Variants in DLG2 observed in about 807,000 individuals in gnomAD.
DLG2 encodes disks large homolog 2.
Under a neutral mutation model 132.5 loss-of-function variants are expected in DLG2, and 45 were observed. That is an observed-to-expected ratio of 0.34 (90% CI 0.27 to 0.44). The LOEUF is 0.44. Among genes scored for constraint, DLG2 ranks in the 20% least tolerant of loss-of-function variants. The probability of loss-of-function intolerance (pLI) is 1.00; values close to 1 mark genes in which losing one functional copy is unlikely to be tolerated. For synonymous variants in DLG2, 424 were observed against 419.6 expected (o/e 1.01, Z -0.13); for missense variants, 1,045 against 1,196.9 (o/e 0.87, Z 1.87).
At chr11:85,007,390 G>A (rs1480137482) in intron 6 of DLG2, among the ~76,000 whole-genome samples, 2 of 152,094 alleles carry the variant, frequency 1.3e-5, no homozygotes, top group Non-Finnish European at 2.9e-5. Flanking sequence ...GCCGGGCGCA[G>A]TGGCTCACGC....
At chr11:85,608,036 C>T (rs1320460985) in intron 2 of DLG2, among the ~76,000 whole-genome samples, 1 of 152,168 alleles carries the variant, frequency 6.6e-6, no homozygotes, top group Non-Finnish European at 1.5e-5. Context: ...TTCGAGAATG[C>T]ATCAGTAAGG....
At chr11:84,209,525 A>C (rs1284440113) in intron 8 of DLG2, among the ~76,000 whole-genome samples, 2 of 152,196 alleles carry the variant, frequency 1.3e-5, no homozygotes, top group Non-Finnish European at 2.9e-5. Flanking sequence ...GTAATATAAT[A>C]TGTTATCAAT....
chr11:83,896,776 C>T (rs2071833189), intron 15 of DLG2, among the ~76,000 whole-genome samples: 1 of 152,116 alleles, frequency 6.6e-6, no homozygotes. Flanking sequence ...ATGGATGTAA[C>T]ACTGGGTAAA....
intron 19 of DLG2, among the ~76,000 whole-genome samples, chr11:83,618,377 C>T (rs1197515789): frequency 1.3e-5 from 2 of 151,938 alleles, no homozygotes; most frequent in Non-Finnish European, 2.9e-5. Context: ...TTACAATGAC[C>T]TTGTTATGTT....
At chr11:84,679,309 A>G (rs1170404441) in intron 6 of DLG2, among the ~76,000 whole-genome samples, 2 of 152,110 alleles carry the variant, frequency 1.3e-5, no homozygotes, top group African/African-American at 4.8e-5. Flanking sequence ...TGGAAACATG[A>G]AAGTTCGATG....
At chr11:84,963,087 T>C (rs1297253923) in intron 6 of DLG2, among the ~76,000 whole-genome samples, 1 of 152,136 alleles carries the variant, frequency 6.6e-6, no homozygotes, top group Non-Finnish European at 1.5e-5. Flanking sequence ...GCAGGACCAA[T>C]TCTCAGCAAA....
At chr11:83,577,461 ATATATATATAAAATAGGATATAT>A (rs1371156626) in intron 19 of DLG2, among the ~76,000 whole-genome samples, 3 of 136,132 alleles carry the variant, frequency 2.2e-5, no homozygotes, top group African/African-American at 8.8e-5. Context: ...CTAATAGGAT[ATATATATATAAAATAGGATATAT>A]TATATATATA....
intron 4 of DLG2, among the ~76,000 whole-genome samples, chr11:85,222,077 T>C (rs1174406729): frequency 1.3e-5 from 2 of 152,092 alleles, no homozygotes; most frequent in East Asian, 1.9e-4. Flanking sequence ...TAGATGGGAC[T>C]ACAGGTGTGC....
intron 9 of DLG2, among the ~76,000 whole-genome samples, chr11:84,114,249 A>C (rs994594711): frequency 6.6e-6 from 1 of 152,180 alleles, no homozygotes; most frequent in Admixed American, 6.5e-5. Context: ...TTTAAGTGTA[A>C]AAAGGATCCT....
chr11:84,056,062 AG>A (rs1394654560), intron 11 of DLG2, among the ~76,000 whole-genome samples: 6 of 151,912 alleles, frequency 3.9e-5, no homozygotes, highest in African/African-American at 1.2e-4. Flanking sequence ...GCACATGTTA[AG>A]TTTTTTTTTT....
intron 6 of DLG2, among the ~76,000 whole-genome samples, chr11:84,615,653 A>C (rs899395590): frequency 5.9e-5 from 9 of 151,738 alleles, no homozygotes; most frequent in African/African-American, 2.2e-4. Context: ...AAAGGGACAG[A>C]GTTGCCCTCT....
At chr11:83,719,308 T>C (rs1432201739) in intron 18 of DLG2, among the ~76,000 whole-genome samples, 1 of 152,216 alleles carries the variant, frequency 6.6e-6, no homozygotes. Context: ...CCTGCCACTA[T>C]GTGACTTGAG....
chr11:83,515,502 G>GT (rs1179422772), intron 21 of DLG2, among the ~76,000 whole-genome samples: 2 of 152,082 alleles, frequency 1.3e-5, no homozygotes, highest in Admixed American at 6.6e-5. Flanking sequence ...TTTTTGAAGG[G>GT]TTTTTTGTGT....
chr11:85,272,007 A>C (rs547162062), intron 4 of DLG2, among the ~76,000 whole-genome samples: 1 of 152,298 alleles, frequency 6.6e-6, no homozygotes, highest in South Asian at 2.1e-4. Context: ...CCAGGTGTGA[A>C]TGATATGGTT....
In DLG2 at chr11:84,769,364, C is replaced by T. The variant is rs1047307727; in HGVS notation, c.358-234633G>A. ...TACAATTGAAAGCTTTATCAACAGACTAAAACAATCAGAAGAAAGAATTTC... is the reference window on the plus strand; with the variant it reads ...TACAATTGAAAGCTTTATCAACAGATTAAAACAATCAGAAGAAAGAATTTC... On this transcript the variant is annotated intron_variant, in intron 6 of 27. Coordinates refer to ENST00000376104, the MANE Select transcript of DLG2 (RefSeq NM_001142699.3). Among the ~76,000 whole-genome samples, 10 of 152,174 alleles carry T rather than the reference C, an allele frequency of 6.6e-5. No homozygotes were observed. In the South Asian group the frequency reaches 2.1e-3, roughly 32 times the overall value.
intron 9 of DLG2, among the ~76,000 whole-genome samples, chr11:84,124,648 C>T (rs2094081785): frequency 6.6e-6 from 1 of 152,096 alleles, no homozygotes; most frequent in Admixed American, 6.5e-5. Context: ...CCACACGGTA[C>T]ATGTCAAAGA....
chr11:85,130,993 G>C (rs552570383), intron 5 of DLG2, among the ~76,000 whole-genome samples: 1 of 151,926 alleles, frequency 6.6e-6, no homozygotes, highest in East Asian at 2.0e-4. Flanking sequence ...AGAAATGTTC[G>C]TGGATATAAC....
At chr11:84,502,408 T>A (rs180993760) in intron 7 of DLG2, among the ~76,000 whole-genome samples, 1 of 110,672 alleles carries the variant, frequency 9.0e-6, no homozygotes, top group Non-Finnish European at 1.9e-5. Flanking sequence ...CTTTCTTTCT[T>A]TCTTTCTATA....
chr11:83,930,929 C>A lies in DLG2; in HGVS notation c.1341-446G>T, dbSNP rs139723996. 1.3e-3 allele frequency among the ~76,000 whole-genome samples: 199 copies of A among 152,256 alleles called. 2 individuals carry two copies. Among genetic ancestry groups the A allele is most frequent in the Admixed American group, 9.2e-4 (14 of 15,290 alleles). On this transcript the variant is annotated intron_variant, in intron 14 of 27. Transcript: ENST00000376104. ...CACATAGTGGAATATAAAGATAGAA[C>A]CTGTGTCACTGATAATATGGAGTGG...
Sources: gnomAD v4.1 joint callset for allele counts (sites outside exome capture counted in the v4.1 genomes callset) on GRCh38, gnomAD v4.1.1 for gene constraint, MANE v1.5 for transcripts, NCBI Gene and HGNC (gene_info 2026-07-23, HGNC 2026-07-21) for gene names.